The following OPCML variants were observed in gnomAD, a reference collection of about 807,000 sequenced individuals.
OPCML encodes opioid-binding protein/cell adhesion molecule.
OPCML carries 13 observed loss-of-function variants against 37.8 expected under a neutral mutation model. That is an observed-to-expected ratio of 0.34 (90% CI 0.22 to 0.55). The LOEUF is 0.55. Among genes scored for constraint, OPCML ranks in the 20% least tolerant of loss-of-function variants. The pLI is 0.91. For synonymous variants in OPCML, 176 were observed against 168.8 expected (o/e 1.04, Z -0.33); for missense variants, 341 against 435.6 (o/e 0.78, Z 1.93).
At chr11:133,518,097 T>C (rs1375906802) in intron 1 of OPCML, among the ~76,000 whole-genome samples, 1 of 152,072 alleles carries the variant, frequency 6.6e-6, no homozygotes, top group Non-Finnish European at 1.5e-5. Context: ...AGGAGTGTGG[T>C]GTGCATATGT....
intron 4 of OPCML, among the ~76,000 whole-genome samples, chr11:132,448,975 C>T (rs1471433592): frequency 6.6e-6 from 1 of 152,150 alleles, no homozygotes; most frequent in Non-Finnish European, 1.5e-5. Context: ...GACTAAGGAA[C>T]CCAAATAATT....
intron 2 of OPCML, among the ~76,000 whole-genome samples, chr11:132,886,482 G>C (rs1213801945): frequency 6.6e-6 from 1 of 152,238 alleles, no homozygotes; most frequent in African/African-American, 2.4e-5. Flanking sequence ...GCGACCGTGA[G>C]AAGGACCAGC....
chr11:132,561,457 C>T (rs2137506053), intron 3 of OPCML, among the ~76,000 whole-genome samples: 1 of 152,338 alleles, frequency 6.6e-6, no homozygotes, highest in South Asian at 2.1e-4. Context: ...ACATGTGCCC[C>T]TGACACCATG....
intron 1 of OPCML, among the ~76,000 whole-genome samples, chr11:133,524,315 C>T (rs1948448592): frequency 6.6e-6 from 1 of 152,194 alleles, no homozygotes; most frequent in African/African-American, 2.4e-5. Flanking sequence ...CTGTGATTTG[C>T]TAAGCTGCTT....
chr11:132,752,191 T>C (rs1217872406), intron 2 of OPCML, among the ~76,000 whole-genome samples: 1 of 152,066 alleles, frequency 6.6e-6, no homozygotes, highest in African/African-American at 2.4e-5. Flanking sequence ...GATGATAGAT[T>C]GGTTGTGCTA....
chr11:132,460,485 C>T (rs1422452692), intron 4 of OPCML, among the ~76,000 whole-genome samples: 1 of 152,048 alleles, frequency 6.6e-6, no homozygotes, highest in African/African-American at 2.4e-5. Context: ...ACTTTGAGAA[C>T]CATTGCCAAA....
chr11:133,439,166 G>A, intron 1 of OPCML: 1 of 458,102 alleles, frequency 2.2e-6, no homozygotes. Context: ...ACTTGTGATT[G>A]GCACCCGAAG....
chr11:133,052,605 C>T (rs1364184679), intron 1 of OPCML, among the ~76,000 whole-genome samples: 1 of 152,192 alleles, frequency 6.6e-6, no homozygotes, highest in Admixed American at 6.5e-5. Flanking sequence ...ACCTCTATGT[C>T]CAGATCAGTT....
At chr11:133,511,881 G>C (rs565018290) in intron 1 of OPCML, among the ~76,000 whole-genome samples, 61 of 152,154 alleles carry the variant, frequency 4.0e-4, no homozygotes, top group Non-Finnish European at 7.2e-4. Flanking sequence ...AACAGTGCTT[G>C]ACCCATGCCA....
At chr11:133,106,007 G>A (rs1269093926) in intron 1 of OPCML, among the ~76,000 whole-genome samples, 1 of 115,854 alleles carries the variant, frequency 8.6e-6, no homozygotes, top group African/African-American at 3.3e-5. Context: ...AAGAAAAAAA[G>A]AATACTTTTG....
intron 1 of OPCML, among the ~76,000 whole-genome samples, chr11:133,384,263 A>AAAAT (rs1944995789): frequency 2.6e-5 from 1 of 38,782 alleles, no homozygotes. Context: ...AAAAAAAAAA[A>AAAAT]AAGAAAAGAA....
intron 2 of OPCML, among the ~76,000 whole-genome samples, chr11:132,809,207 C>A (rs1045948165): frequency 6.6e-6 from 1 of 152,206 alleles, no homozygotes; most frequent in African/African-American, 2.4e-5. Flanking sequence ...CGCTAAGAAG[C>A]AGCATACGTG....
At chr11:132,971,024 C>CTCTCTCAA (rs1946330997) in intron 1 of OPCML, among the ~76,000 whole-genome samples, 1 of 152,174 alleles carries the variant, frequency 6.6e-6, no homozygotes, top group Non-Finnish European at 1.5e-5. Context: ...GTCTTCATTT[C>CTCTCTCAA]TCTCTCAATC....
intron 4 of OPCML, among the ~76,000 whole-genome samples, chr11:132,506,697 G>A (rs1373753016): frequency 6.6e-6 from 1 of 151,780 alleles, no homozygotes; most frequent in African/African-American, 2.4e-5. Flanking sequence ...AAATGCTCCT[G>A]GAAAATATAA....
chr11:132,802,618 C>CAA (rs35349835), intron 2 of OPCML, among the ~76,000 whole-genome samples: 18 of 151,798 alleles, frequency 1.2e-4, no homozygotes, highest in South Asian at 4.2e-4. Flanking sequence ...CAGAAATATG[C>CAA]AAAAAAAATT....
At chr11:133,521,051 G>C (rs1948386779) in intron 1 of OPCML, among the ~76,000 whole-genome samples, 1 of 152,126 alleles carries the variant, frequency 6.6e-6, no homozygotes, top group Admixed American at 6.5e-5. Flanking sequence ...AGAGAGAGAG[G>C]AAGTCACAGA....
intron 1 of OPCML, among the ~76,000 whole-genome samples, chr11:133,215,788 C>A (rs999609272): frequency 6.6e-6 from 1 of 152,154 alleles, no homozygotes; most frequent in Non-Finnish European, 1.5e-5. Flanking sequence ...CAGCCAGCCC[C>A]TCCCACCATG....
intron 1 of OPCML, among the ~76,000 whole-genome samples, chr11:133,458,747 GTATA>G (rs369356674): frequency 1.9e-5 from 1 of 51,286 alleles, no homozygotes; most frequent in African/African-American, 7.0e-5. Flanking sequence ...GCACGTGTGT[GTATA>G]TATACACATA....
intron 1 of OPCML, among the ~76,000 whole-genome samples, chr11:133,016,708 A>T (rs1431199919): frequency 6.6e-6 from 1 of 152,232 alleles, no homozygotes; most frequent in Non-Finnish European, 1.5e-5. Context: ...TGTGTACCAC[A>T]GTTAATAAAA....
Sources: allele counts gnomAD v4.1 joint callset (sites outside exome capture counted in the v4.1 genomes callset), GRCh38; gene constraint gnomAD v4.1.1; transcripts MANE v1.5; gene names NCBI Gene and HGNC (gene_info 2026-07-23, HGNC 2026-07-21).